CLVS2: variants seen among roughly 807,000 people sequenced by gnomAD.
CLVS2 encodes clavesin-2.
CLVS2 carries 19 observed loss-of-function variants against 29.0 expected under a neutral mutation model. The ratio of observed to expected loss-of-function variants is 0.66; its 90% CI spans 0.46 to 0.96. The LOEUF (loss-of-function observed/expected upper bound fraction) is 0.96. CLVS2 is among the 40% of genes least tolerant of loss of function. CLVS2 has a pLI of 0.00. For synonymous variants in CLVS2, 161 were observed against 151.3 expected, an observed-to-expected ratio of 1.06 and a Z score of -0.47; for missense variants, 294 against 404.1, an observed-to-expected ratio of 0.73 and a Z score of 2.34.
At chr6:123,030,762 T>C (rs1167387475) in intron 3 of CLVS2, among the ~76,000 whole-genome samples, 1 of 151,050 alleles carries the variant, frequency 6.6e-6, no homozygotes, top group African/African-American at 2.4e-5. Context: ...CTTAGGGCTT[T>C]AAAGTTTACT....
intron 3 of CLVS2, among the ~76,000 whole-genome samples, chr6:123,041,297 C>A (rs887602738): frequency 6.6e-6 from 1 of 152,020 alleles, no homozygotes; most frequent in Non-Finnish European, 1.5e-5. Flanking sequence ...GCAATGCAGC[C>A]AAATCCTTCT....
At chr6:123,036,385 A>T (rs1775154394) in intron 3 of CLVS2, among the ~76,000 whole-genome samples, 1 of 152,172 alleles carries the variant, frequency 6.6e-6, no homozygotes, top group Non-Finnish European at 1.5e-5. Context: ...ATTAACCAAA[A>T]TTAATAAATT....
At chr6:123,056,203 A>G (rs952738861) in intron 5 of CLVS2, among the ~76,000 whole-genome samples, 177 bp downstream of exon 5, 1 of 152,200 alleles carries the variant, frequency 6.6e-6, no homozygotes, top group Admixed American at 6.6e-5. Flanking sequence ...ATTTTCTTAT[A>G]GTGAGAACAT....
Position 123,065,910 on chromosome 6 carries a change from A to G in CLVS2, c.*2149A>G, listed in dbSNP as rs1276391435. 6.6e-6 allele frequency: 1 copy of G among 151,736 alleles called. No individual in the cohort carries two copies. The highest frequency in any genetic ancestry group is 1.9e-4 in the East Asian group (1 of 5,182). The allele number at this position is 151,736 out of a possible 1,614,324, so 9.4% of individuals were successfully genotyped here. ...TAGTGTCATATATAAAAATAACTAG[A>G]AAGGCATATTTTATATGTATGCCTA... On this transcript the variant is annotated 3_prime_UTR_variant, in exon 6 of 6. Coordinates refer to ENST00000275162, the MANE Select transcript of CLVS2 (RefSeq NM_001010852.4).
chr6:123,055,384 G>T (rs1194915622), intron 4 of CLVS2, among the ~76,000 whole-genome samples: 1 of 152,128 alleles, frequency 6.6e-6, no homozygotes, highest in Non-Finnish European at 1.5e-5. Context: ...ACTTGCATAG[G>T]CTCTGTAATT....
At chr6:123,027,898 T>G (rs572486216) in intron 3 of CLVS2, among the ~76,000 whole-genome samples, 46 of 152,366 alleles carry the variant, frequency 3.0e-4, no homozygotes, top group Non-Finnish European at 5.3e-4. Context: ...TATCTGATGA[T>G]AAATTGTGTT....
chr6:123,016,091 AAG>A (rs1774828361), intron 3 of CLVS2, among the ~76,000 whole-genome samples: 1 of 150,180 alleles, frequency 6.7e-6, no homozygotes, highest in South Asian at 2.1e-4. Flanking sequence ...AAAAAAGAAA[AAG>A]AAAAAATTAG....
chr6:123,030,847 T>TAC (rs1240282857), intron 3 of CLVS2, among the ~76,000 whole-genome samples: 3 of 147,940 alleles, frequency 2.0e-5, no homozygotes, highest in Non-Finnish European at 4.5e-5. Context: ...AATATATATA[T>TAC]ATACACACAC....
chr6:123,001,643 A>T (rs1051149788), intron 2 of CLVS2, among the ~76,000 whole-genome samples: 4 of 152,224 alleles, frequency 2.6e-5, no homozygotes, highest in African/African-American at 9.6e-5. Context: ...TTCGTCCTCC[A>T]TGTATTGCAT....
rs768224427 is a variant in CLVS2 at position 122,997,629 on chromosome 6, T to C, written c.-149T>C. On this transcript the variant is annotated 5_prime_UTR_variant, in exon 2 of 6. Coordinates refer to ENST00000275162, the MANE Select transcript of CLVS2 (RefSeq NM_001010852.4). ...AAAGCAGGAGCAACAGGGCACTTGATTGGACACCAAGATTATTAATTTCCT... is the reference window on the plus strand; with the variant it reads ...AAAGCAGGAGCAACAGGGCACTTGACTGGACACCAAGATTATTAATTTCCT... The C allele has an allele frequency of 2.6e-5, 20 of 779,410 alleles. No individual in the cohort carries two copies. Among genetic ancestry groups the C allele is most frequent in the Middle Eastern group, 3.9e-4 (1 of 2,596 alleles). The allele number at this position is 779,410 out of a possible 1,614,324, so 48.3% of individuals were successfully genotyped here. A position where few individuals can be genotyped will look rare whatever the true frequency, so the allele number is the denominator to read the frequency against.
At chr6:123,020,928 T>C (rs1391558230) in intron 3 of CLVS2, among the ~76,000 whole-genome samples, 4 of 152,008 alleles carry the variant, frequency 2.6e-5, no homozygotes, top group Non-Finnish European at 5.9e-5. Flanking sequence ...CACCTTTGTG[T>C]CATCTTAGCT....
intron 4 of CLVS2, among the ~76,000 whole-genome samples, chr6:123,053,543 G>T (rs566891337): frequency 2.9e-4 from 44 of 152,310 alleles, no homozygotes; most frequent in African/African-American, 9.6e-4. Context: ...TTAGCAATGA[G>T]AAGGACCTTG....
At chr6:123,023,013 A>G (rs560472625) in intron 3 of CLVS2, among the ~76,000 whole-genome samples, 1 of 152,278 alleles carries the variant, frequency 6.6e-6, no homozygotes, top group African/African-American at 2.4e-5. Flanking sequence ...AGTTAGGGAA[A>G]GGGAAGTGAA....
chr6:123,016,360 C>T (rs1774834548), intron 3 of CLVS2, among the ~76,000 whole-genome samples: 1 of 148,934 alleles, frequency 6.7e-6, no homozygotes, highest in African/African-American at 2.5e-5. Flanking sequence ...GGGAGGGTTA[C>T]TGTGTTTTTT....
chr6:123,006,043 A>G (rs1774663007), intron 2 of CLVS2, among the ~76,000 whole-genome samples: 1 of 152,218 alleles, frequency 6.6e-6, no homozygotes, highest in Non-Finnish European at 1.5e-5. Flanking sequence ...TTTTAAGCTA[A>G]GCTTATATGT....
intron 3 of CLVS2, among the ~76,000 whole-genome samples, chr6:123,048,341 A>G (rs1772546667): frequency 6.6e-6 from 1 of 152,104 alleles, no homozygotes; most frequent in Non-Finnish European, 1.5e-5. Flanking sequence ...TGTACTGACT[A>G]TTAGCAGTTT....
chr6:123,043,177 T>C (rs890482756), intron 3 of CLVS2, among the ~76,000 whole-genome samples: 4 of 152,204 alleles, frequency 2.6e-5, no homozygotes, highest in African/African-American at 9.7e-5. Flanking sequence ...TCAAGTTTCA[T>C]ATCATCTATA....
At chr6:123,038,397 T>A (rs918204649) in intron 3 of CLVS2, among the ~76,000 whole-genome samples, 1 of 152,192 alleles carries the variant, frequency 6.6e-6, no homozygotes, top group Admixed American at 6.5e-5. Context: ...TAGTAAATAT[T>A]TGTTAAGTTT....
rs570783241 is a variant in CLVS2, at chr6:123,067,324, G to A, written c.*3563G>A. On this transcript the variant is annotated 3_prime_UTR_variant, in exon 6 of 6. Transcript: ENST00000275162. ...CTCTTCACATAAAGAAACCTTCAGA[G>A]CCATGGAGTATGTCTTCAGGGACAG... 92 of 151,726 alleles carry A rather than the reference G, an allele frequency of 6.1e-4. No homozygotes were observed. The highest frequency in any genetic ancestry group is 2.1e-3 in the African/African-American group (88 of 41,502). The allele number at this position is 151,726 out of a possible 1,614,324, so 9.4% of individuals were successfully genotyped here. A position where few individuals can be genotyped will look rare whatever the true frequency, so the allele number is the denominator to read the frequency against.
Sources: gnomAD v4.1 joint callset for allele counts (sites outside exome capture counted in the v4.1 genomes callset) on GRCh38, gnomAD v4.1.1 for gene constraint, MANE v1.5 for transcripts, NCBI Gene and HGNC (gene_info 2026-07-23, HGNC 2026-07-21) for gene names.